MUC4: variants seen among roughly 807,000 people sequenced by gnomAD.
MUC4 encodes the protein mucin-4.
A neutral mutation model predicts 257.9 loss-of-function variants in MUC4; 202 were observed. The ratio of observed to expected loss-of-function variants is 0.78; its 90% confidence interval spans 0.70 to 0.88. MUC4 has a LOEUF of 0.88. Among genes scored for constraint, MUC4 ranks in the 40% least tolerant of loss-of-function variants. The probability of loss-of-function intolerance (pLI) is 0.00; values close to 1 mark genes in which losing one functional copy is unlikely to be tolerated. For missense variants in MUC4, 5,976 were observed against 6,513.7 expected (o/e 0.92, Z 2.84); for synonymous variants, 2,351 against 2,757.1 (o/e 0.85, Z 4.62).
At chr3:195,767,778 T>TCACCAC (rs1451789396) in intron 7 of MUC4, among the ~76,000 whole-genome samples, 2 of 52,726 alleles carry the variant, frequency 3.8e-5, no homozygotes, top group Non-Finnish European at 7.5e-5. Context: ...ACCACCACCA[T>TCACCAC]CACCACCATC....
intron 19 of MUC4, 55 bp downstream of exon 19, chr3:195,754,158 T>C: frequency 6.4e-7 from 1 of 1,569,664 alleles, no homozygotes; most frequent in Non-Finnish European, 8.7e-7. Context: ...GTCTACACCC[T>C]TGAGCTATCA....
In MUC4 at chr3:195,755,271, C is replaced by T. The variant is rs1300798433; in HGVS notation, c.15169-899G>A. 6.6e-6 allele frequency among the ~76,000 whole-genome samples: 1 copy of T among 151,988 alleles called. No individual in the cohort carries two copies. The highest frequency in any genetic ancestry group is 1.5e-5 in the Non-Finnish European group (1 of 68,008). ...AGTGCAGTGTCTCGATCTCGGCTCACTGCAATGTCCCCCTCCCAAGTTAAA... is the reference window on the plus strand; with the variant it reads ...AGTGCAGTGTCTCGATCTCGGCTCATTGCAATGTCCCCCTCCCAAGTTAAA... On this transcript the variant is annotated intron_variant, in intron 18 of 24. Coordinates refer to ENST00000463781, the MANE Select transcript of MUC4 (RefSeq NM_018406.7). The surrounding 1 kb of genome is among the most constrained non-coding windows in gnomAD (Gnocchi z 5.0).
chr3:195,767,615 C>CCACCAT (rs1358829516), intron 7 of MUC4, among the ~76,000 whole-genome samples: 4 of 61,338 alleles, frequency 6.5e-5, no homozygotes, highest in Admixed American at 4.4e-4. Flanking sequence ...ACCATTGCCA[C>CCACCAT]CACCATCACC....
rs767726382 is a variant in MUC4, at chr3:195,785,503, G to C, written c.6077C>G (p.Ser2026Cys). Residue 2026 changes from serine (S) to cysteine (C), a missense_variant, in exon 2 of 25, where the codon TCC (serine) becomes TGC (cysteine). By Grantham distance (112) the Ser-to-Cys change is moderately radical. This residue lies in a region of MUC4 where 51 missense variants were observed against 45.1 expected (regional missense o/e 1.13). Coordinates refer to ENST00000463781, the MANE Select transcript of MUC4 (RefSeq NM_018406.7). ...AGGAAGCGGCGTGGTGTCACCAGTG[G>C]ATGCTGAGGAAAGGCTGGTGACAGG... is the stretch of plus-strand genomic sequence containing the variant. ...PLPVTSLSSA[S>C]TGDTTPLPVT... is the part of the protein sequence containing the mutation. 1.2e-5 allele frequency: 17 copies of C among 1,410,156 alleles called. 2 individuals are homozygous for C. Among genetic ancestry groups the C allele is most frequent in the African/African-American group, 2.4e-5 (1 of 41,426 alleles). The allele number at this position is 1,410,156 out of a possible 1,614,324, so 87.4% of individuals were successfully genotyped here. A position where few individuals can be genotyped will look rare whatever the true frequency, so the allele number is the denominator to read the frequency against.
At position 195,760,921 on chromosome 3, in the gene MUC4, T is replaced by C. The variant is rs1168966465; in HGVS notation, c.14811A>G (p.Glu4937=). Residue 4937 remains glutamate (E), a synonymous_variant, in exon 16 of 25, where the codon GAA becomes GAG. Coordinates refer to ENST00000463781, the MANE Select transcript of MUC4 (RefSeq NM_018406.7). Reference sequence around the variant, plus strand: ...TCGCCTGCTCGTAGTTTTTACTGACTTCCCTCGTGTGAAGTCCGATGCTTG... The same window carrying C: ...TCGCCTGCTCGTAGTTTTTACTGACCTCCCTCGTGTGAAGTCCGATGCTTG... The part of the protein sequence containing the change: ...RNASIGLHTR[E]VSKNYEQANA... 6.2e-7 allele frequency: 1 copy of C among 1,614,118 alleles called. No individual in the cohort carries two copies. Among genetic ancestry groups the C allele is most frequent in the Non-Finnish European group, 8.5e-7 (1 of 1,180,050 alleles).
chr3:195,805,427 C>T (rs1735862504), intron 1 of MUC4, among the ~76,000 whole-genome samples: 1 of 152,212 alleles, frequency 6.6e-6, no homozygotes, highest in Non-Finnish European at 1.5e-5. Context: ...GAGGTGCCAT[C>T]TCCAGTCTCC....
At chr3:195,808,581 C>G (rs1273698547) in intron 1 of MUC4, among the ~76,000 whole-genome samples, 1 of 152,202 alleles carries the variant, frequency 6.6e-6, no homozygotes, top group Non-Finnish European at 1.5e-5. Context: ...AGCCCCTTCC[C>G]CCTGGGCTCA....
At position 195,782,226 on chromosome 3, in the gene MUC4, G is replaced by C; in HGVS notation, c.9354C>G (p.Thr3118=). Residue 3118 remains threonine (T), a synonymous_variant, in exon 2 of 25, where the codon ACC becomes ACG. Transcript: ENST00000463781. ...AAGTGTCGGTGACAGGAAGAGGGGT[G>C]GTGTGACCTGTGGATGCTGAGGAAG... is the stretch of plus-strand genomic sequence containing the variant. ...TSPSSASTGH[T]TPLPVTDTSS... The C allele has an allele frequency of 7.1e-7, 1 of 1,402,256 alleles. No individual in the cohort carries two copies. The highest frequency in any genetic ancestry group is 9.4e-7 in the Non-Finnish European group (1 of 1,058,916). 86.9% of individuals were successfully genotyped at this position (1,402,256 alleles called of 1,614,324 possible).
chr3:195,762,009 T>G (rs1719064997), intron 14 of MUC4, 78 bp downstream of exon 14: 1 of 1,464,036 alleles, frequency 6.8e-7, no homozygotes, highest in Non-Finnish European at 9.2e-7. Context: ...CGAGCAGGGC[T>G]GCCCGGGCCG....
chr3:195,792,737 T>C (rs1734027615), intron 1 of MUC4, among the ~76,000 whole-genome samples: 2 of 152,140 alleles, frequency 1.3e-5, no homozygotes, highest in African/African-American at 4.8e-5. Context: ...AACCCAAATG[T>C]CCATCAGTGA....
chr3:195,751,653 T>G, intron 21 of MUC4: 1 of 345,292 alleles, frequency 2.9e-6, no homozygotes, highest in Non-Finnish European at 5.4e-6. Context: ...CAAGGTGACT[T>G]AGGTGGAGTC....
rs757223004 is a variant in MUC4, at chr3:195,779,977, C to G, written c.11603G>C (p.Gly3868Ala). 1.3e-4 allele frequency: 190 copies of G among 1,443,540 alleles called. 16 individuals are homozygous for G. The highest frequency in any genetic ancestry group is 7.4e-5 in the East Asian group (3 of 40,364). The allele number at this position is 1,443,540 out of a possible 1,614,324, so 89.4% of individuals were successfully genotyped here. The change falls in exon 2 of 25, where the codon GGT becomes GCT. Residue 3868 changes from glycine to alanine, a missense_variant. Gly to Ala is a moderately conservative substitution (Grantham distance 60). Transcript: ENST00000463781. ...PVTSPSSAST[G>A]HATPLPVTGL... is the part of the protein sequence containing the mutation. ...GGTAACAGGAAGAGGGGTGGCGTGA[C>G]CTGTGGATGCTGAGGAAGGGCTAGT... is the stretch of plus-strand genomic sequence containing the variant.
intron 10 of MUC4, among the ~76,000 whole-genome samples, chr3:195,764,775 TG>T: frequency 6.6e-6 from 1 of 152,182 alleles, no homozygotes; most frequent in Middle Eastern, 3.4e-3. Flanking sequence ...CACTCTGGCC[TG>T]GGGATGTGGA....
Position 195,789,037 on chromosome 3 carries a change from A to G in MUC4, c.2543T>C (p.Leu848Pro), listed in dbSNP as rs757573654. The G allele has an allele frequency of 2.5e-6, 4 of 1,613,872 alleles. No individual in the cohort carries two copies. In the Admixed American group the frequency reaches 5.0e-5, roughly 20 times the overall value. ...GGCACCATGACTGGCTGAGGCGGAC[A>G]GCAATTCGGTTGTTGACTGGGTTGT... ...SHTTQSTTEL[L>P]SASASHGAIP... Residue 848 changes from leucine (L) to proline (P), a missense_variant, in exon 2 of 25, where the codon CTG (leucine) becomes CCG (proline). Transcript: ENST00000463781.
At chr3:195,761,687 C>T (rs953732696) in intron 14 of MUC4, 102 bp from the exon 15 acceptor site, 1 of 897,930 alleles carries the variant, frequency 1.1e-6, no homozygotes, top group Non-Finnish European at 1.8e-6. Flanking sequence ...GCCTGGCAGC[C>T]TCTGCTCTTG....
At chr3:195,758,341 C>T (rs555551472) in intron 17 of MUC4, among the ~76,000 whole-genome samples, 4 of 152,076 alleles carry the variant, frequency 2.6e-5, no homozygotes, top group Admixed American at 1.3e-4. Context: ...AGGAGAGACA[C>T]GGCTAGGTAA....
chr3:195,762,341 C>A, intron 13 of MUC4, 87 bp from the exon 14 acceptor site: 2 of 1,382,334 alleles, frequency 1.4e-6, no homozygotes, highest in Non-Finnish European at 1.9e-6. Context: ...CGCACCACCC[C>A]CACCCCGCCC....
chr3:195,807,542 G>T (rs859769), intron 1 of MUC4, among the ~76,000 whole-genome samples: 82,742 of 151,938 alleles, frequency 0.54, 23,664 homozygotes, highest in East Asian at 0.76. Context: ...AGAAATCGTC[G>T]ATGAGGTGCC....
At chr3:195,758,571 A>ATTTTTTTTTTTTTTTT (rs1553854547) in intron 17 of MUC4, among the ~76,000 whole-genome samples, 1 of 34,304 alleles carries the variant, frequency 2.9e-5, no homozygotes, top group African/African-American at 9.9e-5. Context: ...TGATCTTCAA[A>ATTTTTTTTTTTTTTTT]TCTTTTTTTT....
Sources: allele counts gnomAD v4.1 joint callset (sites outside exome capture counted in the v4.1 genomes callset), GRCh38; gene constraint gnomAD v4.1.1; regional missense constraint gnomAD v4.1.1; non-coding constraint Gnocchi (gnomAD v3.1); transcripts MANE v1.5; gene names NCBI Gene and HGNC (gene_info 2026-07-23, HGNC 2026-07-21).